Variants in TMC1 observed in about 807,000 individuals in gnomAD.
TMC1 encodes transmembrane channel like 1.
Under a neutral mutation model 105.8 loss-of-function variants are expected in TMC1, and 84 were observed. That is an observed-to-expected ratio of 0.79 (90% CI 0.67 to 0.95). TMC1 has a LOEUF of 0.95. Ranked by LOEUF, TMC1 falls within the 40% of genes least tolerant of loss-of-function variation. The probability of loss-of-function intolerance (pLI) is 0.00; values close to 1 mark genes in which losing one functional copy is unlikely to be tolerated. For missense variants in TMC1, 817 were observed against 914.1 expected (o/e 0.89, Z 1.37); for synonymous variants, 315 against 311.5 (o/e 1.01, Z -0.12).
chr9:72,814,496 C>T (rs1828751413), intron 18 of TMC1, among the ~76,000 whole-genome samples: 1 of 152,194 alleles, frequency 6.6e-6, no homozygotes, highest in African/African-American at 2.4e-5. Flanking sequence ...ACTAACGAAA[C>T]ACTTTGTAGC....
chr9:72,570,167 G>A (rs1824247520), intron 1 of TMC1, among the ~76,000 whole-genome samples: 2 of 151,624 alleles, frequency 1.3e-5, no homozygotes, highest in South Asian at 4.2e-4. Context: ...TTCTGAGAAC[G>A]TAACTGCAGT....
At chr9:72,659,563 G>C (rs1825939038) in intron 5 of TMC1, among the ~76,000 whole-genome samples, 1 of 152,232 alleles carries the variant, frequency 6.6e-6, no homozygotes, top group Admixed American at 6.5e-5. Flanking sequence ...GAACCTGGAA[G>C]GGGGAGCCTG....
At chr9:72,821,166 T>C (rs976899465) in intron 20 of TMC1, 85 bp downstream of exon 20, 2 of 1,593,352 alleles carry the variant, frequency 1.3e-6, no homozygotes, top group Non-Finnish European at 1.7e-6. Flanking sequence ...TAAGCTATTT[T>C]TTCCCCCCAA....
chr9:72,653,538 A>G (rs546207780), intron 5 of TMC1, among the ~76,000 whole-genome samples: 3 of 152,320 alleles, frequency 2.0e-5, no homozygotes, highest in Non-Finnish European at 2.9e-5. Flanking sequence ...CAAAAGCATT[A>G]TGCTATTCCT....
intron 10 of TMC1, among the ~76,000 whole-genome samples, chr9:72,746,896 CT>C (rs1317320886): frequency 6.6e-6 from 1 of 152,186 alleles, no homozygotes; most frequent in African/African-American, 2.4e-5. Flanking sequence ...TCGATGGTTG[CT>C]CCTGTGGACA....
chr9:72,813,704 T>C (rs1377293858), intron 18 of TMC1, among the ~76,000 whole-genome samples: 1 of 152,246 alleles, frequency 6.6e-6, no homozygotes, highest in Non-Finnish European at 1.5e-5. Flanking sequence ...AGTCCAGATT[T>C]GGCACATGGG....
intron 5 of TMC1, among the ~76,000 whole-genome samples, chr9:72,655,616 C>T (rs1825871230): frequency 6.6e-6 from 1 of 152,052 alleles, no homozygotes; most frequent in Admixed American, 6.6e-5. Flanking sequence ...GTGGTGGGCG[C>T]CTGTAGTCCC....
chr9:72,603,695 C>T (rs1258081942), intron 2 of TMC1, among the ~76,000 whole-genome samples: 2 of 151,428 alleles, frequency 1.3e-5, no homozygotes, highest in Non-Finnish European at 1.5e-5. Context: ...GATTACAGGC[C>T]CCCGCCACCA....
chr9:72,665,847 C>T lies in TMC1; in HGVS notation c.16+17183C>T, dbSNP rs1054034353. On this transcript the variant is annotated intron_variant, in intron 5 of 23. Transcript: ENST00000297784. ...TAGATGTATGCACTACCAACACCAG[C>T]TTCTGGGAGGGAACATTTTCCCACT... is the stretch of plus-strand genomic sequence containing the variant. Among the ~76,000 whole-genome samples, 22 of 152,334 alleles carry T rather than the reference C, an allele frequency of 1.4e-4. No homozygotes were observed. The East Asian group carries it at 4.0e-3, about 28-fold the overall frequency.
chr9:72,704,969 AAC>A (rs1826710931), intron 8 of TMC1, among the ~76,000 whole-genome samples: 1 of 151,762 alleles, frequency 6.6e-6, no homozygotes, highest in East Asian at 1.9e-4. Context: ...GGGTAAGGGA[AAC>A]AGTGTCATAT....
At chr9:72,662,403 G>T (rs1215395037) in intron 5 of TMC1, among the ~76,000 whole-genome samples, 1 of 150,488 alleles carries the variant, frequency 6.6e-6, no homozygotes, top group African/African-American at 2.5e-5. Context: ...CACCATGTTG[G>T]CCAGGCTGGT....
At chr9:72,547,878 C>T (rs1178778182) in intron 1 of TMC1, among the ~76,000 whole-genome samples, 1 of 152,184 alleles carries the variant, frequency 6.6e-6, no homozygotes, top group Non-Finnish European at 1.5e-5. Flanking sequence ...ACATTTATTT[C>T]TCACAGTTCT....
At chr9:72,562,797 T>A (rs933943797) in intron 1 of TMC1, among the ~76,000 whole-genome samples, 1 of 152,052 alleles carries the variant, frequency 6.6e-6, no homozygotes, top group Non-Finnish European at 1.5e-5. Context: ...CAGAGGAAGA[T>A]CTAACTAAGT....
chr9:72,631,655 A>C (rs1451364090), intron 4 of TMC1, among the ~76,000 whole-genome samples: 1 of 152,210 alleles, frequency 6.6e-6, no homozygotes, highest in Non-Finnish European at 1.5e-5. Flanking sequence ...CAAAGTTCTC[A>C]TCTCTTTACA....
chr9:72,637,805 C>T (rs957001067), intron 4 of TMC1, among the ~76,000 whole-genome samples: 3 of 152,308 alleles, frequency 2.0e-5, no homozygotes, highest in South Asian at 2.1e-4. Flanking sequence ...GTTCAAGCCA[C>T]GTCCTTAGAT....
At chr9:72,600,064 G>T (rs7046996) in intron 2 of TMC1, among the ~76,000 whole-genome samples, 10,922 of 152,226 alleles carry the variant, frequency 0.072, 460 homozygotes, top group Middle Eastern at 0.095. Flanking sequence ...TGAGGGCCAT[G>T]TAGTAGGTCG....
At chr9:72,602,531 T>A (rs1229724213) in intron 2 of TMC1, among the ~76,000 whole-genome samples, 1 of 151,988 alleles carries the variant, frequency 6.6e-6, no homozygotes, top group Non-Finnish European at 1.5e-5. Flanking sequence ...TGTGCTACCA[T>A]GCTTGGCTAA....
At chr9:72,655,869 G>T (rs1825876131) in intron 5 of TMC1, 6 of 764,704 alleles carry the variant, frequency 7.8e-6, no homozygotes, top group South Asian at 6.7e-5. Flanking sequence ...CTCAACTCCT[G>T]GCTCAATACT....
At chr9:72,720,527 C>T (rs1452000607) in intron 8 of TMC1, among the ~76,000 whole-genome samples, 1 of 152,172 alleles carries the variant, frequency 6.6e-6, no homozygotes, top group African/African-American at 2.4e-5. Flanking sequence ...GACTGAGGTC[C>T]CAATGGGGGC....
Sources: allele counts gnomAD v4.1 joint callset (sites outside exome capture counted in the v4.1 genomes callset), GRCh38; gene constraint gnomAD v4.1.1; transcripts MANE v1.5; gene names NCBI Gene and HGNC (gene_info 2026-07-23, HGNC 2026-07-21).